The following GRIP1 variants were observed in gnomAD, a reference collection of about 807,000 sequenced individuals.
The protein encoded by GRIP1 is glutamate receptor-interacting protein 1.
A neutral mutation model predicts 129.9 loss-of-function variants in GRIP1; 45 were observed. That is an observed-to-expected ratio of 0.35 (90% CI 0.27 to 0.44). The LOEUF (loss-of-function observed/expected upper bound fraction) is 0.44, where lower values mean the gene tolerates loss of function less well. GRIP1 is among the 20% of genes least tolerant of loss of function. The pLI, the probability that GRIP1 is intolerant of heterozygous loss-of-function variation, is 1.00. For missense variants in GRIP1, 1,196 were observed against 1,396.8 expected (o/e 0.86, Z 2.29); for synonymous variants, 530 against 520.8 (o/e 1.02, Z -0.24).
At chr12:66,422,389 G>A (rs756030102) in intron 14 of GRIP1, among the ~76,000 whole-genome samples, 4 of 152,080 alleles carry the variant, frequency 2.6e-5, no homozygotes, top group Non-Finnish European at 5.9e-5. Flanking sequence ...GCCTCTAGAG[G>A]CATATAAGCA....
At chr12:66,785,611 G>A (rs759036772) in intron 1 of GRIP1, among the ~76,000 whole-genome samples, 23 of 151,936 alleles carry the variant, frequency 1.5e-4, no homozygotes, top group Non-Finnish European at 2.5e-4. Context: ...AATATACTTA[G>A]CCAAATGTAG....
intron 1 of GRIP1, among the ~76,000 whole-genome samples, chr12:66,988,836 A>G (rs1276942647): frequency 1.3e-5 from 2 of 152,228 alleles, no homozygotes; most frequent in Admixed American, 6.5e-5. Context: ...TAAACTCTCA[A>G]TAAAGAATGA....
At chr12:66,864,413 A>G (rs1458520530) in intron 1 of GRIP1, among the ~76,000 whole-genome samples, 1 of 152,140 alleles carries the variant, frequency 6.6e-6, no homozygotes, top group Admixed American at 6.6e-5. Flanking sequence ...CATATAAAAT[A>G]ATTTTTAAAG....
At chr12:66,712,406 G>A (rs2035739938) in intron 1 of GRIP1, among the ~76,000 whole-genome samples, 1 of 151,950 alleles carries the variant, frequency 6.6e-6, no homozygotes, top group Non-Finnish European at 1.5e-5. Context: ...GAGCCAGGTA[G>A]TATGTTCACA....
intron 1 of GRIP1, among the ~76,000 whole-genome samples, chr12:67,057,365 A>C (rs2135873728): frequency 6.6e-6 from 1 of 151,504 alleles, no homozygotes; most frequent in African/African-American, 2.4e-5. Flanking sequence ...GAAGACAGTC[A>C]TCTGCAACCC....
At chr12:66,791,793 T>C (rs1488228556) in intron 1 of GRIP1, among the ~76,000 whole-genome samples, 1 of 152,160 alleles carries the variant, frequency 6.6e-6, no homozygotes, top group Non-Finnish European at 1.5e-5. Flanking sequence ...ATAGTGTACA[T>C]TGTACCCAAT....
At chr12:67,036,095 G>A (rs2043089887) in intron 1 of GRIP1, among the ~76,000 whole-genome samples, 3 of 152,156 alleles carry the variant, frequency 2.0e-5, no homozygotes. Flanking sequence ...GATGACATCA[G>A]GTTCATCACC....
At position 66,775,616 on chromosome 12, in the gene GRIP1, AG is replaced by A; in HGVS notation, c.-420+28436del. Among the ~76,000 whole-genome samples, 2 of 152,230 alleles carry A rather than the reference AG, an allele frequency of 1.3e-5. 1 individual carries two copies. The highest frequency in any genetic ancestry group is 4.1e-4 in the South Asian group (2 of 4,832). ...CTGTGGCCTATTTCTGTGGTCAATC[AG>A]CTATAAACTAGCCTGTAACTGGACA... On this transcript the variant is annotated intron_variant, in intron 1 of 4. Transcript: ENST00000538373.
At chr12:66,875,454 A>C (rs1202483454) in intron 1 of GRIP1, among the ~76,000 whole-genome samples, 1 of 152,098 alleles carries the variant, frequency 6.6e-6, no homozygotes, top group Admixed American at 6.6e-5. Context: ...TCCCATCTTC[A>C]TGCAAGTTCC....
At chr12:66,440,996 C>A (rs376528765) in intron 13 of GRIP1, among the ~76,000 whole-genome samples, 1 of 152,150 alleles carries the variant, frequency 6.6e-6, no homozygotes, top group African/African-American at 2.4e-5. Flanking sequence ...TGCATTTTTC[C>A]GGCCAAACTC....
intron 7 of GRIP1, among the ~76,000 whole-genome samples, chr12:66,493,533 C>T (rs1167050594): frequency 1.3e-5 from 2 of 152,000 alleles, no homozygotes; most frequent in Non-Finnish European, 2.9e-5. Context: ...CACTTTATGC[C>T]ACTGGAACAT....
intron 1 of GRIP1, among the ~76,000 whole-genome samples, chr12:66,895,680 C>T (rs2072981511): frequency 6.6e-6 from 1 of 152,092 alleles, no homozygotes; most frequent in African/African-American, 2.4e-5. Context: ...AGAATTTCTC[C>T]CCAAAGGTAA....
At chr12:67,054,762 G>GA (rs113633004) in intron 1 of GRIP1, among the ~76,000 whole-genome samples, 8,224 of 119,832 alleles carry the variant, frequency 0.069, 396 homozygotes, top group African/African-American at 0.15. Flanking sequence ...AGACAGTATT[G>GA]AAAAAAAAAA....
At chr12:66,446,407 C>G (rs1274027245) in intron 11 of GRIP1, among the ~76,000 whole-genome samples, 2 of 152,106 alleles carry the variant, frequency 1.3e-5, no homozygotes, top group Admixed American at 1.3e-4. Flanking sequence ...CAGAAAGAGT[C>G]TGGCCCCCTT....
intron 2 of GRIP1, among the ~76,000 whole-genome samples, chr12:66,547,761 G>C (rs143578432): frequency 2.0e-5 from 3 of 152,250 alleles, no homozygotes; most frequent in East Asian, 3.9e-4. Flanking sequence ...AGTTGCCAGG[G>C]GTAAGGGCAG....
intron 4 of GRIP1, among the ~76,000 whole-genome samples, chr12:66,531,249 AAAAAT>A (rs2061441381): frequency 3.5e-5 from 1 of 28,294 alleles, no homozygotes; most frequent in African/African-American, 2.4e-4. Flanking sequence ...AAAAAAAAAA[AAAAAT>A]ATATATATAT....
intron 1 of GRIP1, among the ~76,000 whole-genome samples, chr12:66,874,776 A>T (rs1472133126): frequency 6.6e-6 from 1 of 151,932 alleles, no homozygotes; most frequent in Non-Finnish European, 1.5e-5. Context: ...CCATGATCCA[A>T]TCACCTCCCA....
At chr12:66,703,905 G>C (rs1046252726) in intron 1 of GRIP1, among the ~76,000 whole-genome samples, 2 of 151,958 alleles carry the variant, frequency 1.3e-5, no homozygotes, top group African/African-American at 4.8e-5. Flanking sequence ...CACTGTGACT[G>C]TAACAGATGT....
intron 2 of GRIP1, among the ~76,000 whole-genome samples, chr12:66,571,477 C>T (rs1234815722): frequency 1.3e-5 from 2 of 151,922 alleles, no homozygotes; most frequent in African/African-American, 4.8e-5. Context: ...ATTACTACTG[C>T]CTTTGTTTTT....
Sources: gnomAD v4.1 joint callset for allele counts (sites outside exome capture counted in the v4.1 genomes callset) on GRCh38, gnomAD v4.1.1 for gene constraint, MANE v1.5 for transcripts, NCBI Gene and HGNC (gene_info 2026-07-23, HGNC 2026-07-21) for gene names.